PSPH: variants seen among roughly 807,000 people sequenced by gnomAD.
PSPH encodes L-3-phosphoserine phosphatase.
PSPH carries 16 observed loss-of-function variants against 23.4 expected under a neutral mutation model. The observed-to-expected ratio is 0.68, with a 90% CI of 0.46 to 1.04. The LOEUF (loss-of-function observed/expected upper bound fraction) is 1.04. Ranked by LOEUF, PSPH falls within the 50% of genes least tolerant of loss-of-function variation. The pLI is 0.00. For missense variants in PSPH, 223 were observed against 273.7 expected (o/e 0.81, Z 1.31); for synonymous variants, 68 against 99.7 (o/e 0.68, Z 1.89).
intron 3 of PSPH, among the ~76,000 whole-genome samples, chr7:56,030,776 G>GT (rs1042908999): frequency 2.6e-5 from 4 of 152,110 alleles, no homozygotes; most frequent in African/African-American, 9.7e-5. Flanking sequence ...GTGGGCACCT[G>GT]TAATCCCAGC....
chr7:56,039,207 C>A (rs1157778794), intron 1 of PSPH, among the ~76,000 whole-genome samples: 1 of 147,966 alleles, frequency 6.8e-6, no homozygotes, highest in Admixed American at 6.8e-5. Context: ...GTACTGTGAA[C>A]ATTCTCAGTT....
At chr7:56,033,773 C>T (rs993854913) in intron 2 of PSPH, among the ~76,000 whole-genome samples, 188 bp downstream of exon 2, 2 of 152,042 alleles carry the variant, frequency 1.3e-5, no homozygotes, top group African/African-American at 4.8e-5. Flanking sequence ...CAGGCAGCTG[C>T]TGTAAGATTA....
At chr7:56,016,863 C>T (rs930271249) in intron 6 of PSPH, among the ~76,000 whole-genome samples, 2 of 152,100 alleles carry the variant, frequency 1.3e-5, no homozygotes, top group Admixed American at 1.3e-4. Context: ...AGGCGTGAGC[C>T]ACCGTGCCCA....
At chr7:56,013,028 TATATATGTATATATATACACAC>T (rs905387495) in intron 7 of PSPH, among the ~76,000 whole-genome samples, 13 of 150,372 alleles carry the variant, frequency 8.6e-5, no homozygotes, top group African/African-American at 3.2e-4. Flanking sequence ...ACACATATAC[TATATATGTATATATATACACAC>T]ATATATGTAT....
intron 1 of PSPH, among the ~76,000 whole-genome samples, chr7:56,036,153 G>A (rs1463497438): frequency 6.6e-6 from 1 of 151,928 alleles, no homozygotes; most frequent in African/African-American, 2.4e-5. Flanking sequence ...TTTGAACCTG[G>A]GAGGCAGAGG....
rs1411800795 is a variant in PSPH, at chr7:56,013,833, A to G, written c.570+1190T>C. ...CCTCAGTTCCCCTATCAGTAAGAAGAACACAACATTTGGCCAGGCATGGTG... is the reference window on the plus strand; with the variant it reads ...CCTCAGTTCCCCTATCAGTAAGAAGGACACAACATTTGGCCAGGCATGGTG... On this transcript the variant is annotated intron_variant, in intron 7 of 7. Coordinates refer to ENST00000275605, the MANE Select transcript of PSPH (RefSeq NM_004577.4). 2.6e-5 allele frequency among the ~76,000 whole-genome samples: 4 copies of G among 152,228 alleles called. No individual in the cohort carries two copies. In the East Asian group the frequency reaches 7.7e-4, roughly 29 times the overall value.
chr7:56,024,086 C>G (rs538988194), intron 3 of PSPH, among the ~76,000 whole-genome samples: 1 of 151,598 alleles, frequency 6.6e-6, no homozygotes, highest in South Asian at 2.1e-4. Flanking sequence ...TGCCACCACG[C>G]CCGGCTAATT....
chr7:56,026,666 A>G (rs952272243), intron 3 of PSPH, among the ~76,000 whole-genome samples: 2 of 151,638 alleles, frequency 1.3e-5, no homozygotes, highest in African/African-American at 4.8e-5. Flanking sequence ...AAATAAAAAG[A>G]AACCAGTCAT....
In PSPH at chr7:56,020,142, C is replaced by T. The variant is rs1367745360; in HGVS notation, c.141-408G>A. ...GCTGAGGCAGGAGAATTGCTGGAAC[C>T]CGGGAGGCAGAGGTTGCAGTGAGCC... On this transcript the variant is annotated intron_variant, in intron 4 of 7. Coordinates refer to ENST00000275605, the MANE Select transcript of PSPH (RefSeq NM_004577.4). Among the ~76,000 whole-genome samples, 3 of 151,528 alleles carry T rather than the reference C, an allele frequency of 2.0e-5. No homozygotes were observed. The East Asian group carries it at 5.8e-4, about 29-fold the overall frequency.
chr7:56,032,344 A>AG (rs1791107286), intron 2 of PSPH, among the ~76,000 whole-genome samples: 1 of 152,134 alleles, frequency 6.6e-6, no homozygotes, highest in South Asian at 2.1e-4. Flanking sequence ...AGAATCTCTT[A>AG]GGAGAACTAA....
intron 1 of PSPH, 198 bp from the exon 2 acceptor site, chr7:56,034,304 C>G (rs1282697676): frequency 6.6e-6 from 1 of 152,248 alleles, no homozygotes; most frequent in Non-Finnish European, 1.5e-5. Flanking sequence ...TGTGGCACCT[C>G]CGCTTTGCAG....
rs572069093 is a variant in PSPH at position 56,042,307 on chromosome 7, T to C, written c.-291-8201A>G. 1.8e-4 allele frequency among the ~76,000 whole-genome samples: 27 copies of C among 150,160 alleles called. No individual in the cohort carries two copies. In the East Asian group the frequency reaches 5.3e-3, roughly 29 times the overall value. ...ACAAAAATACAAATATAGAGATTCA[T>C]GGAAAACATGACAAAATAAGGCAAG... On this transcript the variant is annotated intron_variant, in intron 1 of 7. Coordinates refer to ENST00000275605, the MANE Select transcript of PSPH (RefSeq NM_004577.4).
At chr7:56,012,676 C>A (rs1788043058) in intron 7 of PSPH, among the ~76,000 whole-genome samples, 1 of 151,108 alleles carries the variant, frequency 6.6e-6, no homozygotes, top group African/African-American at 2.4e-5. Flanking sequence ...TGTAATCCAG[C>A]ACTTTGGGAG....
intron 3 of PSPH, among the ~76,000 whole-genome samples, chr7:56,028,023 T>C (rs1347985054): frequency 6.7e-6 from 1 of 148,310 alleles, no homozygotes; most frequent in African/African-American, 2.5e-5. Flanking sequence ...CACTCCAGCC[T>C]GGGTGACAGA....
chr7:56,023,039 C>T (rs1459482133), intron 3 of PSPH, among the ~76,000 whole-genome samples: 1 of 151,894 alleles, frequency 6.6e-6, no homozygotes, highest in Non-Finnish European at 1.5e-5. Flanking sequence ...AGCATGGGGC[C>T]ACAGAATGAG....
At chr7:56,050,464 CTA>C (rs1181217342) in intron 1 of PSPH, among the ~76,000 whole-genome samples, 2 of 152,120 alleles carry the variant, frequency 1.3e-5, no homozygotes, top group African/African-American at 4.8e-5. Flanking sequence ...TGGAGTCTCG[CTA>C]TGTTACCCAG....
At chr7:56,017,185 G>C in intron 6 of PSPH, 49 bp downstream of exon 6, 1 of 1,612,296 alleles carries the variant, frequency 6.2e-7, no homozygotes, top group Non-Finnish European at 8.5e-7. Flanking sequence ...CCAGAATACT[G>C]AACAATGGAA....
chr7:56,014,872 G>A, intron 7 of PSPH, 151 bp downstream of exon 7: 2 of 735,974 alleles, frequency 2.7e-6, no homozygotes, highest in Non-Finnish European at 4.1e-6. Flanking sequence ...GAACCCAGGA[G>A]GCGGATATTG....
chr7:56,026,878 G>T (rs1047717429), intron 3 of PSPH, among the ~76,000 whole-genome samples: 17 of 152,052 alleles, frequency 1.1e-4, no homozygotes, highest in African/African-American at 3.9e-4. Context: ...GCTAAAATGA[G>T]GTAAGTGGGA....
Sources: gnomAD v4.1 joint callset for allele counts (sites outside exome capture counted in the v4.1 genomes callset) on GRCh38, gnomAD v4.1.1 for gene constraint, MANE v1.5 for transcripts, NCBI Gene and HGNC (gene_info 2026-07-23, HGNC 2026-07-21) for gene names.